PPP2R2B: variants seen among roughly 807,000 people sequenced by gnomAD.
PPP2R2B encodes the protein serine/threonine-protein phosphatase 2A 55 kDa regulatory subunit B beta isoform.
In PPP2R2B, 5 loss-of-function variants were observed where a neutral mutation model predicts 46.0. That is an observed-to-expected ratio of 0.11 (90% CI 0.06 to 0.23). The LOEUF (loss-of-function observed/expected upper bound fraction) is 0.23. Among genes scored for constraint, PPP2R2B ranks in the 10% least tolerant of loss-of-function variants. PPP2R2B has a pLI of 1.00. For missense variants in PPP2R2B, 367 were observed against 575.0 expected (o/e 0.64, Z 3.70); for synonymous variants, 215 against 206.7 (o/e 1.04, Z -0.34).
chr5:146,834,960 C>A (rs1759189787), intron 2 of PPP2R2B, among the ~76,000 whole-genome samples: 2 of 152,078 alleles, frequency 1.3e-5, no homozygotes, highest in African/African-American at 2.4e-5. Flanking sequence ...TGATTTCATT[C>A]TTTTTTTATG....
In PPP2R2B at chr5:146,985,928, C is replaced by CA. The variant is rs760467210; in HGVS notation, c.79+69736dup. ...TTCTATACAAAAACAACAAACTATA[C>CA]AAAAAAGAAATCAAGAGAACAGGAA... On this transcript the variant is annotated intron_variant, in intron 1 of 8. Transcript: ENST00000336640. 2.0e-5 allele frequency among the ~76,000 whole-genome samples: 3 copies of CA among 152,072 alleles called. No homozygotes were observed. The South Asian group carries it at 6.2e-4, about 32-fold the overall frequency.
intron 1 of PPP2R2B, among the ~76,000 whole-genome samples, chr5:147,038,681 C>A (rs562518378): frequency 6.6e-6 from 1 of 152,114 alleles, no homozygotes; most frequent in African/African-American, 2.4e-5. Context: ...TGTTCATTAT[C>A]CCAGTTTATC....
intron 5 of PPP2R2B, among the ~76,000 whole-genome samples, chr5:146,689,268 C>T (rs113415392): frequency 1.6e-4 from 24 of 152,250 alleles, no homozygotes; most frequent in African/African-American, 5.3e-4. Context: ...CTATCATCAT[C>T]CCCGTTATAT....
At chr5:146,676,217 C>T (rs1232765917) in intron 5 of PPP2R2B, among the ~76,000 whole-genome samples, 1 of 152,168 alleles carries the variant, frequency 6.6e-6, no homozygotes, top group African/African-American at 2.4e-5. Flanking sequence ...ATCCTGTCTT[C>T]AGTGCAGAAC....
chr5:146,726,486 A>G (rs1040032205), intron 2 of PPP2R2B, among the ~76,000 whole-genome samples: 5 of 152,220 alleles, frequency 3.3e-5, no homozygotes, highest in Admixed American at 2.6e-4. Context: ...ATATTTATTG[A>G]ACAACCCATT....
At chr5:146,828,876 T>C (rs1441338381) in intron 2 of PPP2R2B, among the ~76,000 whole-genome samples, 1 of 152,172 alleles carries the variant, frequency 6.6e-6, no homozygotes, top group African/African-American at 2.4e-5. Context: ...AACCATTATT[T>C]AGTAAAATGA....
At chr5:146,812,233 A>G (rs1168275750) in intron 2 of PPP2R2B, among the ~76,000 whole-genome samples, 2 of 151,864 alleles carry the variant, frequency 1.3e-5, no homozygotes, top group East Asian at 2.0e-4. Flanking sequence ...ATCCAAATAT[A>G]TGTGAAACAG....
At chr5:146,631,041 C>T (rs1774391586) in intron 7 of PPP2R2B, among the ~76,000 whole-genome samples, 1 of 152,216 alleles carries the variant, frequency 6.6e-6, no homozygotes, top group African/African-American at 2.4e-5. Context: ...AATTCACTCA[C>T]TACTGTCAGT....
At chr5:147,060,240 A>G (rs1007008052), upstream of PPP2R2B, among the ~76,000 whole-genome samples, 1 of 151,870 alleles carries the variant, frequency 6.6e-6, no homozygotes, top group African/African-American at 2.4e-5. Context: ...CTTTTAAAAT[A>G]CTCGTTCATT....
At chr5:146,829,192 G>C (rs1758766140) in intron 2 of PPP2R2B, among the ~76,000 whole-genome samples, 1 of 152,132 alleles carries the variant, frequency 6.6e-6, no homozygotes, top group Admixed American at 6.6e-5. Context: ...ATTAATGAAT[G>C]ATTCTTATGG....
intron 4 of PPP2R2B, among the ~76,000 whole-genome samples, chr5:146,696,689 A>G (rs1779200690): frequency 6.6e-6 from 1 of 152,214 alleles, no homozygotes; most frequent in African/African-American, 2.4e-5. Flanking sequence ...ATGAGAAAGA[A>G]TCAAACTACT....
At chr5:146,720,729 G>T (rs1288776806) in intron 2 of PPP2R2B, among the ~76,000 whole-genome samples, 1 of 152,100 alleles carries the variant, frequency 6.6e-6, no homozygotes, top group Non-Finnish European at 1.5e-5. Context: ...TTTGGTGTTG[G>T]AGATTCAGTA....
At chr5:146,931,688 G>C (rs966521365) in intron 1 of PPP2R2B, among the ~76,000 whole-genome samples, 1 of 152,098 alleles carries the variant, frequency 6.6e-6, no homozygotes, top group Non-Finnish European at 1.5e-5. Flanking sequence ...GGATAAGTTG[G>C]GTGGGTGGTA....
At chr5:146,740,815 A>C (rs1181743145) in intron 2 of PPP2R2B, among the ~76,000 whole-genome samples, 1 of 152,176 alleles carries the variant, frequency 6.6e-6, no homozygotes, top group African/African-American at 2.4e-5. Context: ...TTAGTGTTCT[A>C]AAAGAAAGAA....
At chr5:146,814,206 A>C (rs964130054) in intron 2 of PPP2R2B, among the ~76,000 whole-genome samples, 4 of 150,366 alleles carry the variant, frequency 2.7e-5, no homozygotes, top group African/African-American at 4.9e-5. Context: ...AAAAAAAAAA[A>C]CCCTCCATAT....
At chr5:146,652,925 A>G (rs532307053) in intron 5 of PPP2R2B, among the ~76,000 whole-genome samples, 3 of 152,190 alleles carry the variant, frequency 2.0e-5, no homozygotes, top group Admixed American at 2.0e-4. Flanking sequence ...TAAAGTGAAG[A>G]TCATACACTT....
At chr5:146,592,028 AAT>A (rs1284119521) in intron 9 of PPP2R2B, 2 of 363,508 alleles carry the variant, frequency 5.5e-6, no homozygotes, top group African/African-American at 4.4e-5. Flanking sequence ...TGTAAATAAT[AAT>A]ATATGAATAA....
rs192456034 is a variant in PPP2R2B at position 146,665,970 on chromosome 5, A to G, written c.448-15246T>C. Among the ~76,000 whole-genome samples the G allele has an allele frequency of 2.6e-5, 4 of 152,370 alleles. No individual in the cohort carries two copies. The East Asian group carries it at 7.7e-4, about 29-fold the overall frequency. Reference sequence around the variant, plus strand: ...GTTGCTACAAACCTTTAACTTGTAAAAAACATACTATCTGTGAAGCACAAT... The same window carrying G: ...GTTGCTACAAACCTTTAACTTGTAAGAAACATACTATCTGTGAAGCACAAT... On this transcript the variant is annotated intron_variant, in intron 5 of 9. Coordinates refer to ENST00000394411, the MANE Select transcript of PPP2R2B (RefSeq NM_181675.4).
At chr5:146,929,239 C>A (rs1763887121) in intron 1 of PPP2R2B, among the ~76,000 whole-genome samples, 2 of 152,104 alleles carry the variant, frequency 1.3e-5, no homozygotes, top group South Asian at 2.1e-4. Flanking sequence ...TATTTCCTAT[C>A]CTTAATGTTT....
Sources: gnomAD v4.1 joint callset for allele counts (sites outside exome capture counted in the v4.1 genomes callset) on GRCh38, gnomAD v4.1.1 for gene constraint, MANE v1.5 for transcripts, NCBI Gene and HGNC (gene_info 2026-07-23, HGNC 2026-07-21) for gene names.